Variants in FAT3 observed in about 807,000 individuals in gnomAD.
The protein encoded by FAT3 is FAT atypical cadherin 3, also known as protocadherin Fat 3.
FAT3 carries 95 observed loss-of-function variants against 310.2 expected under a neutral mutation model. The observed-to-expected ratio is 0.31, with a 90% CI of 0.26 to 0.36. The LOEUF (loss-of-function observed/expected upper bound fraction) is 0.36. Ranked by LOEUF, FAT3 falls within the 10% of genes least tolerant of loss-of-function variation. The probability of loss-of-function intolerance (pLI) is 1.00; values close to 1 mark genes in which losing one functional copy is unlikely to be tolerated. For missense variants in FAT3, 5,408 were observed against 5,715.6 expected, an observed-to-expected ratio of 0.95 and a Z score of 1.74; for synonymous variants, 2,314 against 2,192.9, an observed-to-expected ratio of 1.06 and a Z score of -1.54.
chr11:92,347,812 G>A (rs565926332), intron 1 of FAT3, among the ~76,000 whole-genome samples: 16 of 152,246 alleles, frequency 1.1e-4, no homozygotes, highest in African/African-American at 3.1e-4. Context: ...TTAGTAAGTC[G>A]TAGAAAATAG....
At position 92,732,192 on chromosome 11, in the gene FAT3, G is replaced by A. The variant is rs181814882; in HGVS notation, c.3670-29664G>A. Among the ~76,000 whole-genome samples, 1,507 of 152,270 alleles carry A rather than the reference G, an allele frequency of 9.9e-3. 10 individuals carry two copies. Among genetic ancestry groups the A allele is most frequent in the Non-Finnish European group, 0.016 (1,116 of 68,004 alleles). On this transcript the variant is annotated intron_variant, in intron 4 of 27. Coordinates refer to ENST00000525166, the MANE Select transcript of FAT3 (RefSeq NM_001367949.2). Reference sequence around the variant, plus strand: ...TCAGAAATGTTTAAGGGGTGAGGAAGCAAAGATGAGTAAAGACAATGTACA... The same window carrying A: ...TCAGAAATGTTTAAGGGGTGAGGAAACAAAGATGAGTAAAGACAATGTACA...
intron 1 of FAT3, among the ~76,000 whole-genome samples, chr11:92,256,370 G>A (rs970629163): frequency 1.3e-5 from 2 of 151,608 alleles, no homozygotes; most frequent in African/African-American, 4.8e-5. Context: ...TTAAAGTTTA[G>A]GAATTTCCAG....
intron 2 of FAT3, among the ~76,000 whole-genome samples, chr11:92,412,754 T>TATATATATATATACAC (rs1565296585): frequency 1.1e-5 from 1 of 94,922 alleles, no homozygotes; most frequent in African/African-American, 4.0e-5. Flanking sequence ...TAAATATACA[T>TATATATATATATACAC]ACATATATAT....
chr11:92,683,141 A>T (rs1943536413), intron 3 of FAT3, among the ~76,000 whole-genome samples: 1 of 148,118 alleles, frequency 6.8e-6, no homozygotes, highest in East Asian at 2.0e-4. Flanking sequence ...TGTGAGGGTT[A>T]TTTACTTGCT....
At chr11:92,591,402 G>A (rs1343179021) in intron 3 of FAT3, among the ~76,000 whole-genome samples, 1 of 152,046 alleles carries the variant, frequency 6.6e-6, no homozygotes, top group Non-Finnish European at 1.5e-5. Context: ...GAACACTGAG[G>A]GAGAGATGAT....
Position 92,354,042 on chromosome 11 carries a change from A to G in FAT3, c.1930A>G (p.Ile644Val), listed in dbSNP as rs765308102. 7.4e-6 allele frequency: 12 copies of G among 1,613,544 alleles called. No individual in the cohort carries two copies. In the South Asian group the frequency reaches 1.3e-4, roughly 18 times the overall value. Residue 644 changes from isoleucine (I) to valine (V), a missense_variant, in exon 2 of 28, where the codon ATT becomes GTT. By Grantham distance (29) the Ile-to-Val change is conservative. Coordinates refer to ENST00000525166, the MANE Select transcript of FAT3 (RefSeq NM_001367949.2). The stretch of plus-strand genomic sequence containing the variant: ...TAAAAAATCACTGACAAATTCTGGC[A>G]TTAAAAATGGCAATTTTGCCCTCAG... The part of the protein sequence containing the change: ...QLKKSLTNSG[I>V]KNGNFALRIT...
In FAT3 at chr11:92,573,071, C is replaced by A. The variant is rs563610537; in HGVS notation, c.3607+48123C>A. Among the ~76,000 whole-genome samples the A allele has an allele frequency of 1.5e-3, 223 of 152,274 alleles. 1 individual carries two copies. The highest frequency in any genetic ancestry group is 5.0e-3 in the African/African-American group (208 of 41,564). On this transcript the variant is annotated intron_variant, in intron 3 of 27. Coordinates refer to ENST00000525166, the MANE Select transcript of FAT3 (RefSeq NM_001367949.2). Reference sequence around the variant, plus strand: ...CTTTAATTTTTCTCCACTTTCCCTGCAACTTCAACTGTGTTAATTTAGCAA... The same window carrying A: ...CTTTAATTTTTCTCCACTTTCCCTGAAACTTCAACTGTGTTAATTTAGCAA...
At chr11:92,226,812 G>C (rs1021361739) in intron 1 of FAT3, among the ~76,000 whole-genome samples, 2 of 152,120 alleles carry the variant, frequency 1.3e-5, no homozygotes, top group African/African-American at 4.8e-5. Context: ...ACTCAGCTTC[G>C]GGTTTGGGCG....
At position 92,353,929 on chromosome 11, in the gene FAT3, ATGAACT is replaced by A; in HGVS notation, c.1826_1831del (p.Glu609_Leu610del). 2 of 1,611,774 alleles carry A rather than the reference ATGAACT, an allele frequency of 1.2e-6. No individual in the cohort carries two copies. The highest frequency in any genetic ancestry group is 1.7e-6 in the Non-Finnish European group (2 of 1,178,074). On this transcript the variant is annotated inframe_deletion, in exon 2 of 28. Coordinates refer to ENST00000525166, the MANE Select transcript of FAT3 (RefSeq NM_001367949.2). Reference sequence around the variant, plus strand: ...ACAGCAGTCTCAGCGATCGATATCGATGAACTTGAACTTGTAAAGTACAAAATCATT... The same window carrying A: ...ACAGCAGTCTCAGCGATCGATATCGATGAACTTGTAAAGTACAAAATCATT...
chr11:92,593,335 G>C (rs1939534875), intron 3 of FAT3, among the ~76,000 whole-genome samples: 1 of 151,942 alleles, frequency 6.6e-6, no homozygotes, highest in South Asian at 2.1e-4. Flanking sequence ...GGAGTTTCTG[G>C]ATCATATGGT....
chr11:92,266,262 G>A (rs1379981215), intron 1 of FAT3, among the ~76,000 whole-genome samples: 1 of 152,090 alleles, frequency 6.6e-6, no homozygotes, highest in Non-Finnish European at 1.5e-5. Context: ...TCATTCTCTA[G>A]TTTGAGAACC....
At chr11:92,307,694 A>T (rs917868041) in intron 1 of FAT3, among the ~76,000 whole-genome samples, 16 of 152,288 alleles carry the variant, frequency 1.1e-4, no homozygotes, top group Middle Eastern at 3.4e-3. Context: ...AATTTTGCAT[A>T]TGTAGAAATC....
chr11:92,603,114 G>C (rs2135593842), intron 3 of FAT3, among the ~76,000 whole-genome samples: 1 of 152,256 alleles, frequency 6.6e-6, no homozygotes, highest in Non-Finnish European at 1.5e-5. Flanking sequence ...TGTGGTGATG[G>C]CTTATGTTTT....
chr11:92,520,575 C>T (rs1953648357), intron 2 of FAT3, among the ~76,000 whole-genome samples: 1 of 152,006 alleles, frequency 6.6e-6, no homozygotes, highest in African/African-American at 2.4e-5. Flanking sequence ...ATTCCTTGGT[C>T]AATCTTAAAA....
intron 2 of FAT3, among the ~76,000 whole-genome samples, chr11:92,475,932 T>C (rs1459164730): frequency 2.0e-5 from 3 of 152,004 alleles, no homozygotes; most frequent in Non-Finnish European, 4.4e-5. Flanking sequence ...AGGAAGAAAT[T>C]AAAGACCGAA....
chr11:92,306,744 A>AATTAATATATATATATATATT (rs1565214860), intron 1 of FAT3, among the ~76,000 whole-genome samples: 2 of 118,794 alleles, frequency 1.7e-5, no homozygotes, highest in African/African-American at 6.4e-5. Flanking sequence ...TTTATATATA[A>AATTAATATATATATATATATT]ATATATATAA....
chr11:92,563,549 G>C (rs1369543280), intron 3 of FAT3, among the ~76,000 whole-genome samples: 9 of 152,106 alleles, frequency 5.9e-5, no homozygotes. Flanking sequence ...AATGAGGATA[G>C]GCTCATGATA....
At position 92,866,762 on chromosome 11, in the gene FAT3, T is replaced by C. The variant is rs753430923; in HGVS notation, c.11680T>C (p.Phe3894Leu). The change falls in exon 22 of 28, where the codon TTC becomes CTC. Residue 3894 changes from phenylalanine (F) to leucine (L), a missense_variant. This residue lies in a region of FAT3 where 4,588 missense variants were observed against 4,809.8 expected (regional missense o/e 0.95). Transcript: ENST00000525166. Reference sequence around the variant, plus strand: ...GCAGATTGTGGATGGCAAGCTGTGGTTCCAGCTGGACTGCGGCAGCGGCCC... The same window carrying C: ...GCAGATTGTGGATGGCAAGCTGTGGCTCCAGCTGGACTGCGGCAGCGGCCC... ...ILKIVDGKLW[F>L]QLDCGSGPGI... is the part of the protein sequence containing the mutation. The C allele has an allele frequency of 6.2e-7, 1 of 1,613,372 alleles. No homozygotes were observed. The highest frequency in any genetic ancestry group is 2.2e-5 in the East Asian group (1 of 44,868).
At chr11:92,777,717 C>T (rs7101604) in intron 7 of FAT3, among the ~76,000 whole-genome samples, 67 of 152,212 alleles carry the variant, frequency 4.4e-4, no homozygotes, top group African/African-American at 1.5e-3. Context: ...TCAAGCAAGC[C>T]ACCTAACTTC....
Sources: gnomAD v4.1 joint callset for allele counts (sites outside exome capture counted in the v4.1 genomes callset) on GRCh38, gnomAD v4.1.1 for gene constraint, gnomAD v4.1.1 regional missense constraint, MANE v1.5 for transcripts, NCBI Gene and HGNC (gene_info 2026-07-23, HGNC 2026-07-21) for gene names.